Variants in AGAP1 observed in about 807,000 individuals in gnomAD.
AGAP1 encodes arf-GAP with GTPase, ANK repeat and PH domain-containing protein 1.
Under a neutral mutation model 105.3 loss-of-function variants are expected in AGAP1, and 29 were observed. The ratio of observed to expected loss-of-function variants is 0.28; its 90% CI spans 0.21 to 0.38. The LOEUF (loss-of-function observed/expected upper bound fraction) is 0.38, where lower values mean the gene tolerates loss of function less well. Among genes scored for constraint, AGAP1 ranks in the 10% least tolerant of loss-of-function variants. The pLI is 1.00. For synonymous variants in AGAP1, 509 were observed against 485.9 expected, an observed-to-expected ratio of 1.05 and a Z score of -0.63; for missense variants, 998 against 1,165.1, an observed-to-expected ratio of 0.86 and a Z score of 2.09.
chr2:235,753,151 G>T lies in AGAP1; in HGVS notation c.673+2663G>T, dbSNP rs1365191652. On this transcript the variant is annotated intron_variant, in intron 6 of 17. Coordinates refer to ENST00000304032, the MANE Select transcript of AGAP1 (RefSeq NM_001037131.3). This position sits in a 1 kb window ranked among gnomAD's most constrained non-coding sequence, Gnocchi z 4.5. ...TGGGTTGAGTTCCATACCACACCCA[G>T]CACGTTCAAGGCAGAGGACAGGCAG... 6.6e-6 allele frequency among the ~76,000 whole-genome samples: 1 copy of T among 152,204 alleles called. No homozygotes were observed. The highest frequency in any genetic ancestry group is 1.5e-5 in the Non-Finnish European group (1 of 68,036).
intron 1 of AGAP1, among the ~76,000 whole-genome samples, chr2:235,497,095 T>A (rs1461895341): frequency 1.3e-5 from 2 of 152,250 alleles, no homozygotes; most frequent in African/African-American, 4.8e-5. Flanking sequence ...TTTGCATGTA[T>A]AGTCTCATTG....
intron 1 of AGAP1, among the ~76,000 whole-genome samples, chr2:235,503,657 C>T (rs1941663565): frequency 6.6e-6 from 1 of 152,178 alleles, no homozygotes; most frequent in Non-Finnish European, 1.5e-5. Flanking sequence ...TGCAGTGGCA[C>T]TATTGGGGCT....
At chr2:235,941,949 T>A (rs867456436) in intron 12 of AGAP1, among the ~76,000 whole-genome samples, 1 of 152,130 alleles carries the variant, frequency 6.6e-6, no homozygotes, top group Non-Finnish European at 1.5e-5. Context: ...CTAAAAAGGT[T>A]TGCCCGTGAT....
At chr2:235,804,605 A>G (rs757109559) in intron 8 of AGAP1, among the ~76,000 whole-genome samples, 4 of 152,214 alleles carry the variant, frequency 2.6e-5, no homozygotes, top group Non-Finnish European at 5.9e-5. Flanking sequence ...GTAGGCAGGT[A>G]GTTAGTTGAT....
At chr2:235,708,783 C>CTA (rs1950676961) in intron 1 of AGAP1, among the ~76,000 whole-genome samples, 2 of 152,170 alleles carry the variant, frequency 1.3e-5, no homozygotes, top group South Asian at 4.1e-4. Flanking sequence ...GACCGACAGG[C>CTA]TATAACAGAA....
At chr2:235,527,075 C>G (rs1453327785) in intron 1 of AGAP1, among the ~76,000 whole-genome samples, 1 of 152,076 alleles carries the variant, frequency 6.6e-6, no homozygotes, top group Non-Finnish European at 1.5e-5. Flanking sequence ...TGCTGTGTGA[C>G]AAGTTAGTAT....
chr2:235,701,922 TTAAAC>T lies in AGAP1; in HGVS notation c.164-7252_164-7248del, dbSNP rs1950278707. Among the ~76,000 whole-genome samples, 1 of 152,186 alleles carries T rather than the reference TTAAAC, an allele frequency of 6.6e-6. No homozygotes were observed. Among genetic ancestry groups the T allele is most frequent in the Non-Finnish European group, 1.5e-5 (1 of 68,044 alleles). The stretch of plus-strand genomic sequence containing the variant: ...TATATTTGGGGGCTTTACGGCTGCT[TTAAAC>T]TAAAAATAAATGCTCCTCCCCTTTT... On this transcript the variant is annotated intron_variant, in intron 1 of 17. Coordinates refer to ENST00000304032, the MANE Select transcript of AGAP1 (RefSeq NM_001037131.3). This position sits in a 1 kb window ranked among gnomAD's most constrained non-coding sequence, Gnocchi z 4.1.
chr2:235,771,711 G>A (rs1481165611), intron 6 of AGAP1, among the ~76,000 whole-genome samples: 3 of 152,020 alleles, frequency 2.0e-5, no homozygotes, highest in Non-Finnish European at 4.4e-5. Flanking sequence ...TGCAGTCAGG[G>A]GCTCCCTCCT....
chr2:236,085,382 G>A (rs774713152), intron 16 of AGAP1, among the ~76,000 whole-genome samples: 14 of 152,138 alleles, frequency 9.2e-5, no homozygotes, highest in South Asian at 2.1e-4. Context: ...CTCCCCAGCC[G>A]CCTGGAGGAT....
chr2:235,513,393 C>A (rs1019203753), intron 1 of AGAP1, among the ~76,000 whole-genome samples: 2 of 151,880 alleles, frequency 1.3e-5, no homozygotes, highest in African/African-American at 2.4e-5. Context: ...TGGTGGCAGG[C>A]GCCTATAATC....
At chr2:235,995,366 T>A (rs1167278613) in intron 13 of AGAP1, among the ~76,000 whole-genome samples, 1 of 151,642 alleles carries the variant, frequency 6.6e-6, no homozygotes, top group African/African-American at 2.4e-5. Flanking sequence ...ATACAAAAAT[T>A]AGCTAAGCTT....
chr2:235,806,380 C>A (rs571868350), intron 8 of AGAP1, among the ~76,000 whole-genome samples: 3 of 152,296 alleles, frequency 2.0e-5, no homozygotes, highest in African/African-American at 7.2e-5. Context: ...TAAAATAAAT[C>A]TGTCAGAAAA....
At chr2:235,820,880 A>G (rs1361108247) in intron 9 of AGAP1, among the ~76,000 whole-genome samples, 1 of 152,240 alleles carries the variant, frequency 6.6e-6, no homozygotes, top group South Asian at 2.1e-4. Flanking sequence ...ATCATTAACA[A>G]AGAATGATAA....
At chr2:235,677,906 C>CAAAAAAAAAAAAAAAAAA (rs61111847) in intron 1 of AGAP1, among the ~76,000 whole-genome samples, 2 of 62,998 alleles carry the variant, frequency 3.2e-5, no homozygotes, top group Admixed American at 2.6e-4. Flanking sequence ...AGCTCTTTAC[C>CAAAAAAAAAAAAAAAAAA]AAAAAAAAAA....
Position 235,883,216 on chromosome 2 carries a change from G to C in AGAP1, c.1051-129G>C, listed in dbSNP as rs367808865. The C allele has an allele frequency of 6.9e-5, 48 of 695,754 alleles. 1 individual carries two copies. In the African/African-American group the frequency reaches 7.9e-4, roughly 12 times the overall value. 43.1% of individuals were successfully genotyped at this position (695,754 alleles called of 1,614,324 possible). A position where few individuals can be genotyped will look rare whatever the true frequency, so the allele number is the denominator to read the frequency against. On this transcript the variant is annotated intron_variant, in intron 9 of 17. Coordinates refer to ENST00000304032, the MANE Select transcript of AGAP1 (RefSeq NM_001037131.3). This position sits in a 1 kb window ranked among gnomAD's most constrained non-coding sequence, Gnocchi z 4.5. ...TGTTGAACTAATGGCATATCTTTTAGCATTCGCCAGTATCACAGAGTGAAG... is the reference window on the plus strand; with the variant it reads ...TGTTGAACTAATGGCATATCTTTTACCATTCGCCAGTATCACAGAGTGAAG...
At chr2:235,942,253 A>G (rs1245325319) in intron 12 of AGAP1, among the ~76,000 whole-genome samples, 1 of 152,188 alleles carries the variant, frequency 6.6e-6, no homozygotes, top group Non-Finnish European at 1.5e-5. Context: ...CCCTGGTTCC[A>G]GGAGTCCAGT....
At chr2:235,780,111 T>G (rs903350341) in intron 6 of AGAP1, among the ~76,000 whole-genome samples, 1 of 152,110 alleles carries the variant, frequency 6.6e-6, no homozygotes, top group Non-Finnish European at 1.5e-5. Context: ...TGGGGGGGGC[T>G]GCCCCTCCCA....
In AGAP1 at chr2:235,723,800, T is replaced by C. The variant is rs189453868; in HGVS notation, c.310+6156T>C. Among the ~76,000 whole-genome samples, 8 of 151,102 alleles carry C rather than the reference T, an allele frequency of 5.3e-5. No individual in the cohort carries two copies. Among genetic ancestry groups the C allele is most frequent in the South Asian group, 2.1e-4 (1 of 4,786 alleles). On this transcript the variant is annotated intron_variant, in intron 3 of 17. Coordinates refer to ENST00000304032, the MANE Select transcript of AGAP1 (RefSeq NM_001037131.3). The surrounding 1 kb of genome is among the most constrained non-coding windows in gnomAD (Gnocchi z 6.2). ...TTGGTTGGTTGGTTGGTTGGTTGGT[T>C]GGTCGATCGACAGAGACTTAAGAAT... is the stretch of plus-strand genomic sequence containing the variant.
At position 236,036,482 on chromosome 2, in the gene AGAP1, C is replaced by A; in HGVS notation, c.1646-79C>A. On this transcript the variant is annotated intron_variant, in intron 13 of 17. Coordinates refer to ENST00000304032, the MANE Select transcript of AGAP1 (RefSeq NM_001037131.3). This position sits in a 1 kb window ranked among gnomAD's most constrained non-coding sequence, Gnocchi z 5.7. ...ATGCAGGGGCAGCTGAACCCAGAGGCGCTTCTGTGACAGAGGGCCCGCAGG... is the reference window on the plus strand; with the variant it reads ...ATGCAGGGGCAGCTGAACCCAGAGGAGCTTCTGTGACAGAGGGCCCGCAGG... The A allele has an allele frequency of 1.3e-6, 2 of 1,555,152 alleles. No homozygotes were observed. Among genetic ancestry groups the A allele is most frequent in the South Asian group, 2.5e-5 (2 of 81,240 alleles).
Sources: gnomAD v4.1 joint callset for allele counts (sites outside exome capture counted in the v4.1 genomes callset) on GRCh38, gnomAD v4.1.1 for gene constraint, Gnocchi (gnomAD v3.1) non-coding constraint, MANE v1.5 for transcripts, NCBI Gene and HGNC (gene_info 2026-07-23, HGNC 2026-07-21) for gene names.